Variants in GAB2 observed in about 807,000 individuals in gnomAD.
The protein encoded by GAB2 is GRB2-associated-binding protein 2.
GAB2 carries 26 observed loss-of-function variants against 65.5 expected under a neutral mutation model. The observed-to-expected ratio is 0.40, with a 90% CI of 0.29 to 0.55. The LOEUF (loss-of-function observed/expected upper bound fraction) is 0.55. GAB2 is among the 20% of genes least tolerant of loss of function. The pLI is 0.53. For missense variants in GAB2, 884 were observed against 875.8 expected, an observed-to-expected ratio of 1.01 and a Z score of -0.12; for synonymous variants, 321 against 329.6, an observed-to-expected ratio of 0.97 and a Z score of 0.28.
rs747735474 is a variant in GAB2 at position 78,342,925 on chromosome 11, C to G, written c.76-62024G>C. ...ATACATTACTTCAGGGTATGATTAT[C>G]CCAGTTTTACAAATAAAAGAGGCCC... On this transcript the variant is annotated intron_variant, in intron 1 of 9. Coordinates refer to ENST00000361507, the MANE Select transcript of GAB2 (RefSeq NM_080491.3). Among the ~76,000 whole-genome samples the G allele has an allele frequency of 2.2e-4, 34 of 152,038 alleles. 1 individual carries two copies. The highest frequency in any genetic ancestry group is 5.9e-5 in the Non-Finnish European group (4 of 68,006).
At chr11:78,387,787 T>G (rs1856786982) in intron 1 of GAB2, among the ~76,000 whole-genome samples, 1 of 152,204 alleles carries the variant, frequency 6.6e-6, no homozygotes, top group African/African-American at 2.4e-5. Flanking sequence ...AGAGCCAGGA[T>G]TCAAATTCAG....
intron 1 of GAB2, chr11:78,318,274 T>A (rs1001806675): frequency 2.0e-5 from 3 of 149,024 alleles, no homozygotes; most frequent in African/African-American, 7.5e-5. Context: ...ACAAGCACCT[T>A]ACAGAGTGCA....
Position 78,400,355 on chromosome 11 carries a change from G to A in GAB2, c.75+17291C>T, listed in dbSNP as rs757009146. Reference sequence around the variant, plus strand: ...TTGGTGCCTGGATAACTCCATATAAGGGCATCATTCTGTTTCACATGTAGA... The same window carrying A: ...TTGGTGCCTGGATAACTCCATATAAAGGCATCATTCTGTTTCACATGTAGA... On this transcript the variant is annotated intron_variant, in intron 1 of 9. Coordinates refer to ENST00000361507, the MANE Select transcript of GAB2 (RefSeq NM_080491.3). Among the ~76,000 whole-genome samples the A allele has an allele frequency of 1.1e-4, 17 of 152,216 alleles. 1 individual carries two copies. The highest frequency in any genetic ancestry group is 3.4e-3 in the Middle Eastern group (1 of 294).
At chr11:78,366,940 G>T (rs1283878136) in intron 1 of GAB2, among the ~76,000 whole-genome samples, 1 of 151,914 alleles carries the variant, frequency 6.6e-6, no homozygotes, top group Admixed American at 6.5e-5. Flanking sequence ...CATCCAAGGA[G>T]TATTTAAGCT....
rs147339280 is a variant in GAB2 at position 78,250,399 on chromosome 11, G to A, written c.378C>T (p.Asp126=). The A allele has an allele frequency of 7.4e-6, 12 of 1,612,524 alleles. No homozygotes were observed. In the African/African-American group the frequency reaches 9.4e-5, roughly 13 times the overall value. ...CGFNQAEEST[D]SLRNVSSAGH... ...CGGCTGAGGAAACATTTCTCAGGGAGTCTGAAAAGGAGAAATAGCTCTGTG... is the reference window on the plus strand; with the variant it reads ...CGGCTGAGGAAACATTTCTCAGGGAATCTGAAAAGGAGAAATAGCTCTGTG... Residue 126 remains aspartate (D), a splice_region_variant and synonymous_variant, in exon 3 of 10, where the codon GAC becomes GAT. Coordinates refer to ENST00000361507, the MANE Select transcript of GAB2 (RefSeq NM_080491.3).
At chr11:78,265,546 C>A (rs1865853862) in intron 2 of GAB2, among the ~76,000 whole-genome samples, 1 of 152,116 alleles carries the variant, frequency 6.6e-6, no homozygotes, top group Admixed American at 6.6e-5. Flanking sequence ...TGTTCACTGA[C>A]CTCATCCATA....
chr11:78,380,623 C>T lies in GAB2; in HGVS notation c.75+37023G>A, dbSNP rs112166216. On this transcript the variant is annotated intron_variant, in intron 1 of 9. Coordinates refer to ENST00000361507, the MANE Select transcript of GAB2 (RefSeq NM_080491.3). ...AATCTACATTTTCCACTCTTGTCTCCTATCACACTTCCAAGTCCACTACAC... is the reference window on the plus strand; with the variant it reads ...AATCTACATTTTCCACTCTTGTCTCTTATCACACTTCCAAGTCCACTACAC... Among the ~76,000 whole-genome samples the T allele has an allele frequency of 3.0e-3, 460 of 152,310 alleles. 1 individual carries two copies. Among genetic ancestry groups the T allele is most frequent in the African/African-American group, 0.01 (427 of 41,556 alleles).
At chr11:78,323,028 T>C (rs935915549) in intron 1 of GAB2, among the ~76,000 whole-genome samples, 2 of 151,760 alleles carry the variant, frequency 1.3e-5, no homozygotes, top group Non-Finnish European at 2.9e-5. Flanking sequence ...CATATGTTTA[T>C]TGCAGCACTA....
intron 1 of GAB2, among the ~76,000 whole-genome samples, chr11:78,282,188 T>A (rs1016099866): frequency 1.3e-5 from 2 of 152,200 alleles, no homozygotes; most frequent in South Asian, 2.1e-4. Flanking sequence ...TTCTCTCAAG[T>A]TGTCTTCCAT....
intron 1 of GAB2, among the ~76,000 whole-genome samples, chr11:78,289,443 A>G (rs1328652876): frequency 6.6e-6 from 1 of 152,226 alleles, no homozygotes; most frequent in Non-Finnish European, 1.5e-5. Flanking sequence ...GATCTAAGGT[A>G]CATTTCATGA....
rs1239358710 is a variant in GAB2 at position 78,216,189 on chromosome 11, C to A, written c.*3083G>T. The stretch of plus-strand genomic sequence containing the variant: ...GGCAGATCAAGGACTTAAGGAGACA[C>A]CATCTCCCTATTTCTCATCGTTCTC... On this transcript the variant is annotated 3_prime_UTR_variant, in exon 10 of 10. Transcript: ENST00000361507. The A allele has an allele frequency of 1.3e-5, 2 of 152,494 alleles. No homozygotes were observed. The highest frequency in any genetic ancestry group is 2.4e-5 in the African/African-American group (1 of 41,448). The allele number at this position is 152,494 out of a possible 1,614,324, so 9.4% of individuals were successfully genotyped here.
At position 78,417,704 on chromosome 11, in the gene GAB2, TCGC is replaced by T. The variant is rs781098960; in HGVS notation, c.14_16del (p.Gly5del). On this transcript the variant is annotated inframe_deletion, in exon 1 of 10. Transcript: ENST00000361507. The stretch of plus-strand genomic sequence containing the variant: ...CCTCAGCCAGCCGGTGCACACCACG[TCGC>T]CGCCGCCGCTCATGCTGCCGGCCTG... 2.9e-5 allele frequency: 39 copies of T among 1,343,952 alleles called. No individual in the cohort carries two copies. Among genetic ancestry groups the T allele is most frequent in the South Asian group, 1.0e-4 (7 of 69,522 alleles). The allele number at this position is 1,343,952 out of a possible 1,614,324, so 83.3% of individuals were successfully genotyped here.
chr11:78,347,443 T>C (rs1158256754), intron 1 of GAB2, among the ~76,000 whole-genome samples: 1 of 152,198 alleles, frequency 6.6e-6, no homozygotes, highest in Non-Finnish European at 1.5e-5. Flanking sequence ...TGGGCAATCA[T>C]GGACTTGAGC....
intron 2 of GAB2, among the ~76,000 whole-genome samples, chr11:78,269,038 C>T (rs979839844): frequency 6.7e-6 from 1 of 148,636 alleles, no homozygotes; most frequent in African/African-American, 2.5e-5. Flanking sequence ...TTTTTTCTTT[C>T]TTTTTTTTTT....
chr11:78,369,131 G>C (rs1401245745), intron 1 of GAB2, among the ~76,000 whole-genome samples: 1 of 135,634 alleles, frequency 7.4e-6, no homozygotes, highest in Non-Finnish European at 1.5e-5. Context: ...GAGTGACAGA[G>C]ACCCTGTCTC....
intron 3 of GAB2, among the ~76,000 whole-genome samples, chr11:78,231,532 T>C (rs1376709448): frequency 1.3e-5 from 2 of 152,194 alleles, no homozygotes; most frequent in African/African-American, 4.8e-5. Context: ...GTATATTTAG[T>C]AGAGACGGGG....
At chr11:78,408,464 G>C (rs1327451909) in intron 1 of GAB2, among the ~76,000 whole-genome samples, 3 of 152,046 alleles carry the variant, frequency 2.0e-5, no homozygotes, top group Admixed American at 2.0e-4. Flanking sequence ...GAAACTCACA[G>C]GAAGGCAAGA....
chr11:78,416,769 G>A (rs1327673365), intron 1 of GAB2, among the ~76,000 whole-genome samples: 2 of 147,446 alleles, frequency 1.4e-5, no homozygotes, highest in African/African-American at 5.1e-5. Context: ...CATCCTCTGG[G>A]GAGAGGGGTT....
intron 2 of GAB2, among the ~76,000 whole-genome samples, chr11:78,279,900 T>C (rs966831056): frequency 6.6e-6 from 1 of 152,224 alleles, no homozygotes; most frequent in African/African-American, 2.4e-5. Context: ...TTTGGGAATA[T>C]GCCTGCGAGT....
Sources: gnomAD v4.1 joint callset for allele counts (sites outside exome capture counted in the v4.1 genomes callset) on GRCh38, gnomAD v4.1.1 for gene constraint, MANE v1.5 for transcripts, NCBI Gene and HGNC (gene_info 2026-07-23, HGNC 2026-07-21) for gene names.